LMBR1: variants seen among roughly 807,000 people sequenced by gnomAD.
LMBR1 encodes limb region 1 protein homolog.
In LMBR1, 52 loss-of-function variants were observed where a neutral mutation model predicts 73.9. The observed-to-expected ratio is 0.70, with a 90% CI of 0.56 to 0.89. LMBR1 has a LOEUF of 0.89. Ranked by LOEUF, LMBR1 falls within the 40% of genes least tolerant of loss-of-function variation. LMBR1 has a pLI of 0.00. For synonymous variants in LMBR1, 215 were observed against 209.4 expected, an observed-to-expected ratio of 1.03 and a Z score of -0.23; for missense variants, 539 against 579.8, an observed-to-expected ratio of 0.93 and a Z score of 0.72.
intron 1 of LMBR1, among the ~76,000 whole-genome samples, chr7:156,890,773 G>A (rs1360888097): frequency 2.0e-5 from 3 of 152,092 alleles, no homozygotes; most frequent in Non-Finnish European, 4.4e-5. Context: ...CAACCACTTT[G>A]GAAAATTGTT....
intron 9 of LMBR1, among the ~76,000 whole-genome samples, chr7:156,744,284 C>T (rs1026401492): frequency 1.3e-5 from 2 of 151,638 alleles, no homozygotes; most frequent in African/African-American, 4.8e-5. Flanking sequence ...AAATGGGAAG[C>T]TTGATGTTGA....
intron 8 of LMBR1, among the ~76,000 whole-genome samples, chr7:156,759,349 G>A (rs1457639903): frequency 6.6e-6 from 1 of 152,306 alleles, no homozygotes; most frequent in East Asian, 1.9e-4. Flanking sequence ...TTACAGCTCT[G>A]GAGCTTACAG....
At chr7:156,826,250 G>T (rs779235706) in intron 4 of LMBR1, among the ~76,000 whole-genome samples, 29 of 152,192 alleles carry the variant, frequency 1.9e-4, no homozygotes, top group Non-Finnish European at 3.7e-4. Flanking sequence ...AAAGTGCTGG[G>T]ATTACAAGCA....
chr7:156,892,856 G>T, intron 1 of LMBR1, 72 bp downstream of exon 1: 1 of 1,232,632 alleles, frequency 8.1e-7, no homozygotes, highest in Non-Finnish European at 1.1e-6. Flanking sequence ...CGGGGACCGG[G>T]GGCCCGGGGG....
intron 1 of LMBR1, among the ~76,000 whole-genome samples, chr7:156,884,145 A>C (rs1392008722): frequency 6.6e-6 from 1 of 152,208 alleles, no homozygotes; most frequent in Non-Finnish European, 1.5e-5. Flanking sequence ...ATTCCACTAG[A>C]AGACTTTACA....
intron 5 of LMBR1, 77 bp from the exon 6 acceptor site, chr7:156,763,872 G>A (rs1406552875): frequency 8.4e-7 from 1 of 1,193,334 alleles, no homozygotes; most frequent in African/African-American, 1.6e-5. Context: ...CTATATGAAA[G>A]CATAAAATAA....
chr7:156,888,172 AG>A (rs1802242368), intron 1 of LMBR1, among the ~76,000 whole-genome samples: 1 of 152,172 alleles, frequency 6.6e-6, no homozygotes, highest in Non-Finnish European at 1.5e-5. Flanking sequence ...GCACTTTGGG[AG>A]GCTGAGGCGG....
At chr7:156,676,761 C>T (rs1804135160), downstream of LMBR1, 1 of 798,998 alleles carries the variant, frequency 1.3e-6, no homozygotes, top group Non-Finnish European at 2.1e-6. Flanking sequence ...ATCTGTTTCC[C>T]AGGGAAATAA....
rs960957661 is a variant in LMBR1 at position 156,878,852 on chromosome 7, T to C, written c.66+14076A>G. 2.6e-5 allele frequency among the ~76,000 whole-genome samples: 4 copies of C among 152,104 alleles called. No individual in the cohort carries two copies. In the East Asian group the frequency reaches 5.8e-4, roughly 22 times the overall value. ...AAACAGCATGGTACTAGTATAAAAA[T>C]AGGCACACAGACCAACGGAACAGAA... is the stretch of plus-strand genomic sequence containing the variant. On this transcript the variant is annotated intron_variant, in intron 1 of 16. Coordinates refer to ENST00000353442, the MANE Select transcript of LMBR1 (RefSeq NM_022458.4).
intron 5 of LMBR1, among the ~76,000 whole-genome samples, chr7:156,776,463 C>G (rs1470257584): frequency 6.6e-6 from 1 of 152,172 alleles, no homozygotes; most frequent in Non-Finnish European, 1.5e-5. Context: ...TCCCATTCTA[C>G]AGTAGCCACC....
rs138769716 is a variant in LMBR1 at position 156,850,634 on chromosome 7, A to G, written c.67-13749T>C. ...GTAACAATAGTTCTTTCCTCCAGAC[A>G]TTTTATGAGAAAAACCTCTGTTTCA... On this transcript the variant is annotated intron_variant, in intron 1 of 16. Coordinates refer to ENST00000353442, the MANE Select transcript of LMBR1 (RefSeq NM_022458.4). Among the ~76,000 whole-genome samples, 1,067 of 152,064 alleles carry G rather than the reference A, an allele frequency of 7.0e-3. 11 individuals are homozygous for G. The highest frequency in any genetic ancestry group is 0.025 in the African/African-American group (1,013 of 41,308).
intron 15 of LMBR1, among the ~76,000 whole-genome samples, chr7:156,713,479 C>T (rs1471117314): frequency 6.6e-6 from 1 of 152,034 alleles, no homozygotes; most frequent in East Asian, 1.9e-4. Context: ...GAAGGCTCTG[C>T]ATGTGGGGGA....
At chr7:156,891,555 A>C (rs1215849169) in intron 1 of LMBR1, among the ~76,000 whole-genome samples, 1 of 152,124 alleles carries the variant, frequency 6.6e-6, no homozygotes, top group Non-Finnish European at 1.5e-5. Flanking sequence ...GTGGAGGAGA[A>C]AGTAATTGGA....
chr7:156,730,734 G>A (rs1329391607), intron 10 of LMBR1, among the ~76,000 whole-genome samples: 1 of 152,132 alleles, frequency 6.6e-6, no homozygotes, highest in African/African-American at 2.4e-5. Context: ...TCAAGAGTTT[G>A]AGACCAGCCT....
At chr7:156,881,786 C>T (rs1223951403) in intron 1 of LMBR1, among the ~76,000 whole-genome samples, 2 of 151,224 alleles carry the variant, frequency 1.3e-5, no homozygotes, top group Non-Finnish European at 2.9e-5. Context: ...TATCACCTCA[C>T]ACCTGTTAGG....
At chr7:156,875,978 A>G (rs1800111011) in intron 1 of LMBR1, among the ~76,000 whole-genome samples, 1 of 152,176 alleles carries the variant, frequency 6.6e-6, no homozygotes, top group Non-Finnish European at 1.5e-5. Flanking sequence ...AAATCTCAAT[A>G]TTAACATTGG....
chr7:156,791,164 T>A (rs1829153341), intron 5 of LMBR1, among the ~76,000 whole-genome samples: 1 of 152,204 alleles, frequency 6.6e-6, no homozygotes, highest in Admixed American at 6.5e-5. Context: ...GATCAAAACA[T>A]GACCCAAGTT....
rs538432461 is a variant in LMBR1, at chr7:156,728,420, C to G, written c.915+224G>C. 3.3e-5 allele frequency among the ~76,000 whole-genome samples: 5 copies of G among 152,286 alleles called. No individual in the cohort carries two copies. The East Asian group carries it at 9.6e-4, about 29-fold the overall frequency. ...ATGAAAACAAAGACTGAATTTCCTG[C>G]TTTCATGAAGAAACAGATAATCTTC... On this transcript the variant is annotated intron_variant, in intron 11 of 16. Transcript: ENST00000353442.
At chr7:156,865,132 C>A (rs188437694) in intron 1 of LMBR1, among the ~76,000 whole-genome samples, 1 of 151,614 alleles carries the variant, frequency 6.6e-6, no homozygotes, top group Admixed American at 6.6e-5. Flanking sequence ...CATAGAGAGA[C>A]GCCAGCTCTA....
Sources: gnomAD v4.1 joint callset for allele counts (sites outside exome capture counted in the v4.1 genomes callset) on GRCh38, gnomAD v4.1.1 for gene constraint, MANE v1.5 for transcripts, NCBI Gene and HGNC (gene_info 2026-07-23, HGNC 2026-07-21) for gene names.